CFAP44: variants seen among roughly 807,000 people sequenced by gnomAD.
CFAP44 encodes the protein cilia- and flagella-associated protein 44.
A neutral mutation model predicts 216.2 loss-of-function variants in CFAP44; 134 were observed. The observed-to-expected ratio is 0.62, with a 90% CI of 0.54 to 0.72. The LOEUF (loss-of-function observed/expected upper bound fraction) is 0.72, where lower values mean the gene tolerates loss of function less well. CFAP44 is among the 30% of genes least tolerant of loss of function. CFAP44 has a pLI of 0.00. For missense variants in CFAP44, 2,035 were observed against 2,182.1 expected (o/e 0.93, Z 1.34); for synonymous variants, 700 against 727.6 (o/e 0.96, Z 0.61).
intron 23 of CFAP44, among the ~76,000 whole-genome samples, chr3:113,343,087 A>T (rs1186087890): frequency 1.6e-5 from 2 of 121,918 alleles, no homozygotes; most frequent in Non-Finnish European, 1.6e-5. Context: ...TTTGAGACAG[A>T]GTCTCACTTT....
At chr3:113,344,739 G>T (rs1417881807) in intron 22 of CFAP44, 27 bp from the exon 23 acceptor site, 2 of 1,474,174 alleles carry the variant, frequency 1.4e-6, no homozygotes, top group Non-Finnish European at 1.8e-6. Context: ...AGTATTTGCA[G>T]TAGTCACCAT....
At chr3:113,409,385 T>C in intron 6 of CFAP44, 63 bp from the exon 7 acceptor site, 1 of 1,487,226 alleles carries the variant, frequency 6.7e-7, no homozygotes, top group East Asian at 2.3e-5. Context: ...AAAAACATAT[T>C]GTAAAAAAAA....
rs1934210122 is a variant in CFAP44 at position 113,404,021 on chromosome 3, C to T, written c.1006-5G>A. ...CCATTCTGACCCTGAGAGCACCTGG[C>T]AGGTATGTGGAAAAAAGAAATGTGC... On this transcript the variant is annotated splice_polypyrimidine_tract_variant and splice_region_variant and intron_variant, in intron 8 of 34. Transcript: ENST00000393845. The T allele has an allele frequency of 6.2e-7, 1 of 1,609,540 alleles. No homozygotes were observed. The highest frequency in any genetic ancestry group is 1.1e-5 in the South Asian group (1 of 90,312).
At chr3:113,388,383 T>C (rs1392496350) in intron 15 of CFAP44, among the ~76,000 whole-genome samples, 1 of 151,860 alleles carries the variant, frequency 6.6e-6, no homozygotes, top group East Asian at 1.9e-4. Flanking sequence ...GTAACTTCAA[T>C]GAAAAAAACA....
At chr3:113,347,003 C>T (rs964936865) in intron 22 of CFAP44, among the ~76,000 whole-genome samples, 6 of 152,176 alleles carry the variant, frequency 3.9e-5, no homozygotes, top group African/African-American at 7.2e-5. Flanking sequence ...TGGAAGGAAC[C>T]AACTCTGGAC....
Position 113,399,891 on chromosome 3 carries a change from T to C in CFAP44, c.1569+15A>G, listed in dbSNP as rs767920992. On this transcript the variant is annotated intron_variant, in intron 13 of 34. Transcript: ENST00000393845. The stretch of plus-strand genomic sequence containing the variant: ...ACCAATAGATTCTGGTAGTTCATTA[T>C]AACAACAAACTTACCATTCGGGGTA... The C allele has an allele frequency of 2.1e-5, 33 of 1,549,048 alleles. No individual in the cohort carries two copies. Among genetic ancestry groups the C allele is most frequent in the Middle Eastern group, 3.4e-4 (2 of 5,840 alleles).
chr3:113,366,065 T>G lies in CFAP44; in HGVS notation c.2689A>C (p.Met897Leu), dbSNP rs368604740. 1 of 1,613,360 alleles carries G rather than the reference T, an allele frequency of 6.2e-7. No homozygotes were observed. Among genetic ancestry groups the G allele is most frequent in the East Asian group, 2.2e-5 (1 of 44,836 alleles). The change falls in exon 19 of 35, where the codon ATG (methionine) becomes CTG (leucine). Residue 897 changes from methionine (M) to leucine (L), a missense_variant. Transcript: ENST00000393845. ...IFSEFMLRKDMKAKVPSPRFG... is the reference protein window; with the variant it reads ...IFSEFMLRKDLKAKVPSPRFG... ...CTGGGAGATGGAACTTTGGCCTTCA[T>G]GTCTTTCCTTAGCATAAATTCAGAA... is the stretch of plus-strand genomic sequence containing the variant.
chr3:113,384,402 T>A lies in CFAP44; in HGVS notation c.1891-3342A>T, dbSNP rs532579094. 2.0e-5 allele frequency among the ~76,000 whole-genome samples: 3 copies of A among 152,292 alleles called. No homozygotes were observed. In the South Asian group the frequency reaches 6.2e-4, roughly 32 times the overall value. ...AGCTTGAGCTCTTATAGTTGTTATG[T>A]GCTGAATTGTGTCCCTTCAGAAAAA... is the stretch of plus-strand genomic sequence containing the variant. On this transcript the variant is annotated intron_variant, in intron 15 of 34. Transcript: ENST00000393845.
chr3:113,306,516 A>G (rs944479227), intron 29 of CFAP44, among the ~76,000 whole-genome samples, 185 bp from the exon 30 acceptor site: 2 of 152,334 alleles, frequency 1.3e-5, no homozygotes, highest in Middle Eastern at 6.8e-3. Context: ...TAACCATAAA[A>G]TAATAATAGT....
chr3:113,373,436 TG>T lies in CFAP44; in HGVS notation c.2418del (p.Asp806GlufsTer15). ...IDVRYLADTE[D>X]NPIQTITFNI... is the part of the protein sequence containing the mutation. ...TTGAAAGTGATAGTTTGGATGGGAT[TG>T]TCCTCTGTATCCGCAAGATAACGGA... On this transcript the variant is annotated frameshift_variant, in exon 18 of 35. Coordinates refer to ENST00000393845, the MANE Select transcript of CFAP44 (RefSeq NM_001164496.2). LOFTEE classifies it high-confidence loss of function. The T allele has an allele frequency of 6.3e-7, 1 of 1,599,572 alleles. No homozygotes were observed. The highest frequency in any genetic ancestry group is 8.5e-7 in the Non-Finnish European group (1 of 1,172,374).
intron 22 of CFAP44, among the ~76,000 whole-genome samples, chr3:113,356,807 G>C (rs1160639573): frequency 1.3e-5 from 2 of 151,956 alleles, no homozygotes; most frequent in Non-Finnish European, 2.9e-5. Flanking sequence ...CTAATAAGTT[G>C]AACTTCAGTA....
rs571126127 is a variant in CFAP44 at position 113,314,864 on chromosome 3, AT to A, written c.4517-6597del. On this transcript the variant is annotated intron_variant, in intron 28 of 34. Coordinates refer to ENST00000393845, the MANE Select transcript of CFAP44 (RefSeq NM_001164496.2). ...TTGCTAGACTGGGATAAATGATGAC[AT>A]TGGTAGACTGGGATAAATTATGTAT... Among the ~76,000 whole-genome samples, 110 of 152,250 alleles carry A rather than the reference AT, an allele frequency of 7.2e-4. 1 individual carries two copies. The highest frequency in any genetic ancestry group is 2.4e-3 in the African/African-American group (100 of 41,564).
chr3:113,379,386 G>A lies in CFAP44; in HGVS notation c.2218C>T (p.Pro740Ser), dbSNP rs368620724. 7 of 1,612,696 alleles carry A rather than the reference G, an allele frequency of 4.3e-6. No individual in the cohort carries two copies. The highest frequency in any genetic ancestry group is 4.0e-5 in the African/African-American group (3 of 74,864). The change falls in exon 17 of 35, where the codon CCT (proline) becomes TCT (serine). Residue 740 changes from proline (P) to serine (S), a missense_variant. By Grantham distance (74) the Pro-to-Ser change is moderately conservative. Around this residue, in one of 3 missense-constraint regions of CFAP44, gnomAD observed 1,883 missense variants for 2,023.7 expected, o/e 0.93. Coordinates refer to ENST00000393845, the MANE Select transcript of CFAP44 (RefSeq NM_001164496.2). ...EEEEEEEEPL[P>S]EIFIPSTPSP... ...GGGGTTGACGGAATAAATATTTCAG[G>A]TAATGGCTCTTCTTCCTCCTCCTCC... is the stretch of plus-strand genomic sequence containing the variant.
chr3:113,360,926 T>TAAA, intron 21 of CFAP44: 3 of 207,238 alleles, frequency 1.4e-5, no homozygotes, highest in South Asian at 7.3e-5. Context: ...GCTACTAATA[T>TAAA]AAAAAAAAAA....
chr3:113,419,319 G>T (rs1308929160), intron 5 of CFAP44, among the ~76,000 whole-genome samples: 3 of 151,912 alleles, frequency 2.0e-5, no homozygotes, highest in Non-Finnish European at 2.9e-5. Flanking sequence ...ACAAATATAG[G>T]TCTTGTCTCT....
chr3:113,363,615 A>G, intron 19 of CFAP44, 83 bp from the exon 20 acceptor site: 1 of 1,252,628 alleles, frequency 8.0e-7, no homozygotes, highest in Non-Finnish European at 1.1e-6. Context: ...TAAATTAAAA[A>G]CTCAAATTGG....
At chr3:113,346,987 AC>A (rs564550957) in intron 22 of CFAP44, among the ~76,000 whole-genome samples, 155 of 152,312 alleles carry the variant, frequency 1.0e-3, no homozygotes, top group African/African-American at 3.6e-3. Flanking sequence ...GAGACCAAGA[AC>A]CCACTGGAAG....
chr3:113,417,343 T>C (rs2107387910), intron 5 of CFAP44: 1 of 152,300 alleles, frequency 6.6e-6, no homozygotes, highest in East Asian at 1.9e-4. Flanking sequence ...AAGTATGCCC[T>C]GGATAAACTA....
At chr3:113,317,614 C>CA (rs1488541919) in intron 28 of CFAP44, among the ~76,000 whole-genome samples, 1 of 152,172 alleles carries the variant, frequency 6.6e-6, no homozygotes, top group East Asian at 1.9e-4. Flanking sequence ...CCCTGAATCT[C>CA]AAGATATCCC....
Sources: gnomAD v4.1 joint callset for allele counts (sites outside exome capture counted in the v4.1 genomes callset) on GRCh38, gnomAD v4.1.1 for gene constraint, gnomAD v4.1.1 regional missense constraint, MANE v1.5 for transcripts, NCBI Gene and HGNC (gene_info 2026-07-23, HGNC 2026-07-21) for gene names.